WWOX: variants seen among roughly 807,000 people sequenced by gnomAD.
WWOX encodes WW domain-containing oxidoreductase.
Under a neutral mutation model 46.2 loss-of-function variants are expected in WWOX, and 69 were observed. The observed-to-expected ratio is 1.49, with a 90% CI of 1.23 to 1.82. The LOEUF (loss-of-function observed/expected upper bound fraction) is 1.82, where lower values mean the gene tolerates loss of function less well. WWOX is among the 40% of genes most tolerant of loss of function. WWOX has a pLI of 0.00. For synonymous variants in WWOX, 359 were observed against 202.6 expected (o/e 1.77, Z -6.56); for missense variants, 919 against 542.6 (o/e 1.69, Z -6.89).
At chr16:79,041,723 T>G (rs17646139) in intron 8 of WWOX, among the ~76,000 whole-genome samples, 5,653 of 152,298 alleles carry the variant, frequency 0.037, 140 homozygotes, top group South Asian at 0.059. Flanking sequence ...CTGGCAAAAC[T>G]GGACCTTTCA....
chr16:78,660,807 T>C (rs1301059928), intron 8 of WWOX, among the ~76,000 whole-genome samples: 3 of 152,162 alleles, frequency 2.0e-5, no homozygotes, highest in African/African-American at 7.2e-5. Context: ...ATGGATAGCC[T>C]TTTCAAAAAA....
At chr16:78,320,295 C>T (rs954150636) in intron 5 of WWOX, among the ~76,000 whole-genome samples, 3 of 152,152 alleles carry the variant, frequency 2.0e-5, no homozygotes, top group Admixed American at 6.5e-5. Flanking sequence ...TGCATTTACT[C>T]AACAGACTTT....
At chr16:78,613,642 G>A (rs909373928) in intron 8 of WWOX, among the ~76,000 whole-genome samples, 1 of 152,162 alleles carries the variant, frequency 6.6e-6, no homozygotes, top group Non-Finnish European at 1.5e-5. Flanking sequence ...TGTTGTGTAA[G>A]TATTGCTAGA....
intron 8 of WWOX, among the ~76,000 whole-genome samples, chr16:78,550,022 A>G (rs1284816358): frequency 6.6e-6 from 1 of 152,234 alleles, no homozygotes; most frequent in Non-Finnish European, 1.5e-5. Flanking sequence ...GAAAACACGC[A>G]ATACACATTC....
intron 8 of WWOX, among the ~76,000 whole-genome samples, chr16:78,913,164 C>G (rs1401913432): frequency 6.6e-6 from 1 of 152,114 alleles, no homozygotes; most frequent in East Asian, 1.9e-4. Context: ...GTTGCTGTCG[C>G]TGAGGTAATA....
chr16:78,664,910 G>A (rs2142183330), intron 8 of WWOX, among the ~76,000 whole-genome samples: 1 of 152,330 alleles, frequency 6.6e-6, no homozygotes, highest in East Asian at 1.9e-4. Context: ...CAATGTGACT[G>A]GAATTGGCTC....
At chr16:78,424,119 T>C (rs1375080705) in intron 6 of WWOX, among the ~76,000 whole-genome samples, 1 of 138,582 alleles carries the variant, frequency 7.2e-6, no homozygotes, top group Non-Finnish European at 1.5e-5. Context: ...TTTTTTTTTT[T>C]GTTTTTTTTT....
chr16:78,598,873 G>T (rs2045555171), intron 8 of WWOX, among the ~76,000 whole-genome samples: 1 of 152,100 alleles, frequency 6.6e-6, no homozygotes, highest in Non-Finnish European at 1.5e-5. Context: ...CAGCTACTCT[G>T]CCTGGCACTG....
intron 8 of WWOX, among the ~76,000 whole-genome samples, chr16:78,780,207 GA>G (rs1210927816): frequency 6.6e-6 from 1 of 152,014 alleles, no homozygotes; most frequent in Non-Finnish European, 1.5e-5. Flanking sequence ...CTCCTTCCAA[GA>G]AAAAACACCC....
chr16:78,732,471 G>A (rs2142387570), intron 8 of WWOX, among the ~76,000 whole-genome samples: 1 of 152,270 alleles, frequency 6.6e-6, no homozygotes, highest in African/African-American at 2.4e-5. Flanking sequence ...TCCAAACACT[G>A]TGAAGCAGAG....
chr16:78,949,124 A>G (rs1227217229), intron 8 of WWOX, among the ~76,000 whole-genome samples: 1 of 152,104 alleles, frequency 6.6e-6, no homozygotes, highest in Non-Finnish European at 1.5e-5. Flanking sequence ...AACTGCATGG[A>G]GCTGAATTCT....
intron 8 of WWOX, among the ~76,000 whole-genome samples, chr16:78,966,647 A>G (rs898337389): frequency 6.6e-6 from 1 of 152,136 alleles, no homozygotes; most frequent in Non-Finnish European, 1.5e-5. Context: ...ATATTGAGCT[A>G]TTTCTTAAGA....
At chr16:78,691,219 G>C (rs1286591002) in intron 8 of WWOX, 2 of 701,862 alleles carry the variant, frequency 2.8e-6, no homozygotes, top group Non-Finnish European at 5.2e-6. Context: ...TTTTAGCTAT[G>C]CTTCTCTTGT....
chr16:78,675,956 C>A (rs1249743921), intron 8 of WWOX, among the ~76,000 whole-genome samples: 1 of 151,992 alleles, frequency 6.6e-6, no homozygotes, highest in Non-Finnish European at 1.5e-5. Context: ...TCTGTCCCAC[C>A]ACAAACCATT....
At chr16:78,583,527 G>C (rs568384628) in intron 8 of WWOX, among the ~76,000 whole-genome samples, 1 of 152,216 alleles carries the variant, frequency 6.6e-6, no homozygotes, top group African/African-American at 2.4e-5. Context: ...GGGATTGTAG[G>C]TTTTGTGGGA....
intron 8 of WWOX, among the ~76,000 whole-genome samples, chr16:78,602,029 A>C (rs76813396): frequency 0.044 from 6,686 of 152,282 alleles, 217 homozygotes; most frequent in Middle Eastern, 0.061. Flanking sequence ...GATATAATGA[A>C]ATATCTTATT....
chr16:78,805,796 TTC>T (rs1443823218), intron 8 of WWOX, among the ~76,000 whole-genome samples: 6 of 152,222 alleles, frequency 3.9e-5, no homozygotes, highest in African/African-American at 1.4e-4. Flanking sequence ...TTGTTTTTGT[TTC>T]TGTTTTCAGT....
chr16:79,037,461 G>A (rs1311376246), intron 8 of WWOX, among the ~76,000 whole-genome samples: 3 of 152,132 alleles, frequency 2.0e-5, no homozygotes, highest in Non-Finnish European at 2.9e-5. Flanking sequence ...ACATCAAGTT[G>A]TGGGGTCTGT....
Position 78,406,624 on chromosome 16 carries a change from A to T in WWOX, c.606-18246A>T, listed in dbSNP as rs374494547. ...TTGGCCTTCCAAAGTGCTGGGATATACATTTTTTTTTTTTTTTTGAGAGAT... is the reference window on the plus strand; with the variant it reads ...TTGGCCTTCCAAAGTGCTGGGATATTCATTTTTTTTTTTTTTTTGAGAGAT... On this transcript the variant is annotated intron_variant, in intron 6 of 8. Transcript: ENST00000566780. Among the ~76,000 whole-genome samples, 4 of 141,114 alleles carry T rather than the reference A, an allele frequency of 2.8e-5. No homozygotes were observed. The South Asian group carries it at 9.2e-4, about 33-fold the overall frequency. The allele number at this position is 141,114 out of a possible 152,430, so 92.6% of individuals were successfully genotyped here.
Sources: gnomAD v4.1 joint callset for allele counts (sites outside exome capture counted in the v4.1 genomes callset) on GRCh38, gnomAD v4.1.1 for gene constraint, MANE v1.5 for transcripts, NCBI Gene and HGNC (gene_info 2026-07-23, HGNC 2026-07-21) for gene names.